The following IL27RA variants were observed in gnomAD, a reference collection of about 807,000 sequenced individuals.
IL27RA encodes the protein interleukin 27 receptor subunit alpha.
In IL27RA, 61 loss-of-function variants were observed where a neutral mutation model predicts 80.8. The observed-to-expected ratio is 0.76, with a 90% CI of 0.61 to 0.93. The LOEUF (loss-of-function observed/expected upper bound fraction) is 0.93, where lower values mean the gene tolerates loss of function less well. Among genes scored for constraint, IL27RA ranks in the 40% least tolerant of loss-of-function variants. IL27RA has a pLI of 0.00. For synonymous variants in IL27RA, 316 were observed against 332.5 expected (o/e 0.95, Z 0.54); for missense variants, 735 against 808.1 (o/e 0.91, Z 1.10).
At chr19:14,035,223 C>T (rs1434448027) in intron 2 of IL27RA, among the ~76,000 whole-genome samples, 3 of 152,056 alleles carry the variant, frequency 2.0e-5, no homozygotes, top group Non-Finnish European at 2.9e-5. Flanking sequence ...TTTCGAACTA[C>T]TGGCCTCAAG....
intron 6 of IL27RA, 89 bp downstream of exon 6, chr19:14,042,878 C>T: frequency 2.5e-6 from 3 of 1,179,796 alleles, no homozygotes; most frequent in Non-Finnish European, 3.8e-6. Context: ...GTGGCTCACG[C>T]TTGTAATCCC....
intron 12 of IL27RA, 62 bp from the exon 13 acceptor site, chr19:14,051,818 C>T: frequency 1.4e-6 from 2 of 1,458,710 alleles, no homozygotes; most frequent in South Asian, 1.2e-5. Context: ...ATGAACCCTG[C>T]ACCCTGGGCT....
chr19:14,036,156 A>G (rs1448689151), intron 2 of IL27RA, among the ~76,000 whole-genome samples: 8 of 151,858 alleles, frequency 5.3e-5, no homozygotes, highest in Non-Finnish European at 1.0e-4. Flanking sequence ...TTAAAAGTAA[A>G]TAAATAAATA....
intron 1 of IL27RA, 83 bp downstream of exon 1, chr19:14,032,055 G>T: frequency 1.6e-6 from 2 of 1,231,990 alleles, no homozygotes; most frequent in Admixed American, 4.1e-5. Flanking sequence ...TAAGCCACGC[G>T]TATGCAGAGC....
At chr19:14,042,376 A>T (rs1746316168) in intron 4 of IL27RA, 77 bp from the exon 5 acceptor site, 30 of 1,462,694 alleles carry the variant, frequency 2.1e-5, no homozygotes, top group Non-Finnish European at 2.7e-5. Context: ...CGAAAAACAA[A>T]GGAAAAAAAA....
Position 14,052,377 on chromosome 19 carries a change from G to A in IL27RA, c.*87G>A. ...CAGTCCTGGATTAGCCCTCTTGATG[G>A]ATGAAGACACTGAGGACTCAGAGAG... On this transcript the variant is annotated 3_prime_UTR_variant, in exon 14 of 14. Coordinates refer to ENST00000263379, the MANE Select transcript of IL27RA (RefSeq NM_004843.4). 2 of 1,097,586 alleles carry A rather than the reference G, an allele frequency of 1.8e-6. No individual in the cohort carries two copies. The highest frequency in any genetic ancestry group is 2.5e-6 in the Non-Finnish European group (2 of 796,926). 68.0% of individuals were successfully genotyped at this position (1,097,586 alleles called of 1,614,324 possible). A position where few individuals can be genotyped will look rare whatever the true frequency, so the allele number is the denominator to read the frequency against.
rs1309072436 is a variant in IL27RA at position 14,052,118 on chromosome 19, T to C, written c.1739T>C (p.Leu580Pro). ...CAGCAAGTACCTGAGGCCCAGCCCC[T>C]TGGGGACTTGCCCATCCTGGAAGTG... ...HMEQVPEAQP[L>P]GDLPILEVEE... Residue 580 changes from leucine to proline, a missense_variant, in exon 14 of 14, where the codon CTT (leucine) becomes CCT (proline). Coordinates refer to ENST00000263379, the MANE Select transcript of IL27RA (RefSeq NM_004843.4). 5 of 1,613,190 alleles carry C rather than the reference T, an allele frequency of 3.1e-6. No individual in the cohort carries two copies. The highest frequency in any genetic ancestry group is 1.3e-5 in the African/African-American group (1 of 74,884).
chr19:14,036,327 CT>C (rs1033864019), intron 2 of IL27RA, among the ~76,000 whole-genome samples: 2 of 151,938 alleles, frequency 1.3e-5, no homozygotes, highest in African/African-American at 4.8e-5. Context: ...TCTTCTCCCC[CT>C]AGCCTCTGTA....
At chr19:14,051,243 G>A (rs1343018933) in intron 11 of IL27RA, among the ~76,000 whole-genome samples, 1 of 151,926 alleles carries the variant, frequency 6.6e-6, no homozygotes, top group Non-Finnish European at 1.5e-5. Context: ...GCAAGACCCT[G>A]TCTTTAAAAA....
intron 2 of IL27RA, among the ~76,000 whole-genome samples, chr19:14,036,489 C>CTTTT (rs34609073): frequency 7.4e-6 from 1 of 135,380 alleles, no homozygotes; most frequent in African/African-American, 2.8e-5. Flanking sequence ...ACAGGATTTC[C>CTTTT]TTTTTTTTTT....
intron 6 of IL27RA, among the ~76,000 whole-genome samples, chr19:14,044,430 A>G (rs925160042): frequency 1.3e-5 from 2 of 151,894 alleles, no homozygotes; most frequent in Non-Finnish European, 2.9e-5. Flanking sequence ...AGTAGAGACG[A>G]GGTTTCACCA....
intron 2 of IL27RA, among the ~76,000 whole-genome samples, chr19:14,032,805 C>CAAAAA (rs60328140): frequency 9.6e-4 from 58 of 60,186 alleles, no homozygotes; most frequent in Non-Finnish European, 1.5e-3. Flanking sequence ...GACTCTGTCT[C>CAAAAA]AAAAAAAAAA....
intron 11 of IL27RA, among the ~76,000 whole-genome samples, 158 bp from the exon 12 acceptor site, chr19:14,051,449 A>AG (rs1976162021): frequency 6.6e-6 from 1 of 151,496 alleles, no homozygotes; most frequent in African/African-American, 2.4e-5. Flanking sequence ...GGAGGCTGAG[A>AG]GAGAATTGCT....
intron 2 of IL27RA, among the ~76,000 whole-genome samples, chr19:14,035,408 T>C (rs1004178339): frequency 2.0e-5 from 3 of 151,364 alleles, no homozygotes; most frequent in Non-Finnish European, 4.4e-5. Context: ...AGTTTTTTTT[T>C]ATTTGAGATG....
intron 8 of IL27RA, among the ~76,000 whole-genome samples, chr19:14,046,994 C>A (rs1976077274): frequency 6.6e-6 from 1 of 151,292 alleles, no homozygotes; most frequent in African/African-American, 2.4e-5. Context: ...GAGACTCAGT[C>A]TCAAAAAATA....
chr19:14,044,747 A>G (rs531186740), intron 6 of IL27RA, among the ~76,000 whole-genome samples: 3 of 151,722 alleles, frequency 2.0e-5, no homozygotes, highest in Non-Finnish European at 4.4e-5. Flanking sequence ...GCACTTTGAG[A>G]GTCTGAGGCA....
At chr19:14,048,267 TATAAATAA>T (rs58406920) in intron 8 of IL27RA, among the ~76,000 whole-genome samples, 6 of 148,222 alleles carry the variant, frequency 4.0e-5, no homozygotes, top group South Asian at 2.1e-4. Context: ...AAGAAATCTT[TATAAATAA>T]ATAAATAAAT....
chr19:14,046,813 A>G lies in IL27RA; in HGVS notation c.1141+195A>G, dbSNP rs565545894. Reference sequence around the variant, plus strand: ...GGAGTTGGACACCAGCCTGGCCAACATAGTGAAACCCCGTCTCTACTAAAA... The same window carrying G: ...GGAGTTGGACACCAGCCTGGCCAACGTAGTGAAACCCCGTCTCTACTAAAA... On this transcript the variant is annotated intron_variant, in intron 8 of 13. Coordinates refer to ENST00000263379, the MANE Select transcript of IL27RA (RefSeq NM_004843.4). Among the ~76,000 whole-genome samples, 342 of 152,164 alleles carry G rather than the reference A, an allele frequency of 2.2e-3. 2 individuals carry two copies. The highest frequency in any genetic ancestry group is 7.9e-3 in the African/African-American group (328 of 41,542).
chr19:14,041,196 C>G (rs567393886), intron 4 of IL27RA, among the ~76,000 whole-genome samples: 17 of 149,888 alleles, frequency 1.1e-4, no homozygotes, highest in Non-Finnish European at 2.2e-4. Context: ...AGCCACTGCA[C>G]CCGGCCCCCT....
Sources: allele counts gnomAD v4.1 joint callset (sites outside exome capture counted in the v4.1 genomes callset), GRCh38; gene constraint gnomAD v4.1.1; transcripts MANE v1.5; gene names NCBI Gene and HGNC (gene_info 2026-07-23, HGNC 2026-07-21).